MUC20: variants seen among roughly 807,000 people sequenced by gnomAD.
The protein encoded by MUC20 is mucin 20, cell surface associated.
MUC20 carries 14 observed loss-of-function variants against 23.8 expected under a neutral mutation model. The ratio of observed to expected loss-of-function variants is 0.59; its 90% CI spans 0.39 to 0.92. The LOEUF (loss-of-function observed/expected upper bound fraction) is 0.92. Ranked by LOEUF, MUC20 falls within the 40% of genes least tolerant of loss-of-function variation. The probability of loss-of-function intolerance (pLI) is 0.00; values close to 1 mark genes in which losing one functional copy is unlikely to be tolerated. For synonymous variants in MUC20, 166 were observed against 279.3 expected, an observed-to-expected ratio of 0.59 and a Z score of 4.04; for missense variants, 375 against 668.8, an observed-to-expected ratio of 0.56 and a Z score of 4.85.
chr3:195,729,427 C>CT, intron 2 of MUC20: 1 of 529,128 alleles, frequency 1.9e-6, no homozygotes, highest in South Asian at 2.2e-5. Flanking sequence ...GGCGATTCTC[C>CT]TGCCTCAGCC....
chr3:195,733,441 A>G lies in MUC20; in HGVS notation c.*223A>G. Reference sequence around the variant, plus strand: ...GTGGGGAGGGGCTTCACCTGTTCCCAGAGGTGTCCTTGGACTCACCTTGGC... The same window carrying G: ...GTGGGGAGGGGCTTCACCTGTTCCCGGAGGTGTCCTTGGACTCACCTTGGC... On this transcript the variant is annotated 3_prime_UTR_variant, in exon 4 of 4. Coordinates refer to ENST00000447234, the MANE Select transcript of MUC20 (RefSeq NM_001282506.2). 1 of 1,427,356 alleles carries G rather than the reference A, an allele frequency of 7.0e-7. No individual in the cohort carries two copies. The highest frequency in any genetic ancestry group is 9.1e-7 in the Non-Finnish European group (1 of 1,094,882). 88.4% of individuals were successfully genotyped at this position (1,427,356 alleles called of 1,614,324 possible).
rs762362567 is a variant in MUC20, at chr3:195,729,694, G to A, written c.2016G>A (p.Pro672=). The A allele has an allele frequency of 8.1e-6, 13 of 1,596,436 alleles. No individual in the cohort carries two copies. The highest frequency in any genetic ancestry group is 3.5e-5 in the Admixed American group (2 of 57,900). Residue 672 remains proline, a synonymous_variant, in exon 3 of 4, where the codon CCG becomes CCA. Coordinates refer to ENST00000447234, the MANE Select transcript of MUC20 (RefSeq NM_001282506.2). ...FLLLRLSVAS[P]EDLTDPRVAE... ...TCCTGCGGCTGAGTGTGGCTTCCCC[G>A]GAAGACCTCACTGACCCCAGAGTGG...
At chr3:195,721,499 T>C (rs1176495894) in intron 1 of MUC20, among the ~76,000 whole-genome samples, 2 of 151,460 alleles carry the variant, frequency 1.3e-5, no homozygotes, top group Non-Finnish European at 2.9e-5. Flanking sequence ...TTAACAAGAT[T>C]CTGACTCCTC....
intron 2 of MUC20, among the ~76,000 whole-genome samples, chr3:195,726,784 C>A (rs1282145148): frequency 6.6e-6 from 1 of 152,252 alleles, no homozygotes; most frequent in Non-Finnish European, 1.5e-5. Flanking sequence ...GATGGAAGTC[C>A]GGAGAAATGG....
At chr3:195,729,608 G>A (rs779308539) in intron 2 of MUC20, 40 bp from the exon 3 acceptor site, 25 of 1,539,804 alleles carry the variant, frequency 1.6e-5, no homozygotes, top group Admixed American at 7.8e-5. Context: ...GAGCCACTGC[G>A]CCCAGCCCTG....
Position 195,726,027 on chromosome 3 carries a change from C to T in MUC20, c.1424C>T (p.Thr475Ile), listed in dbSNP as rs1481255226. Residue 475 changes from threonine (T) to isoleucine (I), a missense_variant, in exon 2 of 4, where the codon ACA becomes ATA. Transcript: ENST00000447234. The stretch of plus-strand genomic sequence containing the variant: ...GCAAAACCACACATCACTGAGGTCA[C>T]AGCCTCTGCCGAGACCCTGTCCACA... ...TEAKPHITEV[T>I]ASAETLSTAG... 4.3e-6 allele frequency: 7 copies of T among 1,614,066 alleles called. No individual in the cohort carries two copies. Among genetic ancestry groups the T allele is most frequent in the South Asian group, 1.1e-5 (1 of 91,084 alleles).
intron 3 of MUC20, among the ~76,000 whole-genome samples, chr3:195,731,919 G>A (rs1713428571): frequency 6.6e-6 from 1 of 152,278 alleles, no homozygotes. Context: ...AATGCCCCCG[G>A]CATGTGATAA....
In MUC20 at chr3:195,726,315, C is replaced by T. The variant is rs1712654377; in HGVS notation, c.1712C>T (p.Ala571Val). Residue 571 changes from alanine (A) to valine (V), a missense_variant, in exon 2 of 4, where the codon GCT becomes GTT. Coordinates refer to ENST00000447234, the MANE Select transcript of MUC20 (RefSeq NM_001282506.2). Reference sequence around the variant, plus strand: ...ACAACTTCCTTTGCTGGGAGCTCTGCTTCCTCCTACAGCCCCTCGGAAGCC... The same window carrying T: ...ACAACTTCCTTTGCTGGGAGCTCTGTTTCCTCCTACAGCCCCTCGGAAGCC... ...GKTTSFAGSS[A>V]SSYSPSEAAL... is the part of the protein sequence containing the mutation. 6.2e-7 allele frequency: 1 copy of T among 1,614,086 alleles called. No individual in the cohort carries two copies. Among genetic ancestry groups the T allele is most frequent in the Non-Finnish European group, 8.5e-7 (1 of 1,179,904 alleles).
At chr3:195,732,290 T>A (rs1435486913) in intron 3 of MUC20, among the ~76,000 whole-genome samples, 1 of 152,228 alleles carries the variant, frequency 6.6e-6, no homozygotes, top group African/African-American at 2.4e-5. Flanking sequence ...ATTACAGGCG[T>A]TGAGTCATTG....
intron 3 of MUC20, among the ~76,000 whole-genome samples, chr3:195,731,544 A>G (rs2641734): frequency 0.39 from 59,104 of 150,150 alleles, 7,769 homozygotes; most frequent in East Asian, 0.73. Flanking sequence ...AGGAGCTCTG[A>G]GGTCCAGACA....
At chr3:195,731,975 C>CTTTTGTTTTGTTTTGTTTTG (rs57899187) in intron 3 of MUC20, among the ~76,000 whole-genome samples, 760 of 151,138 alleles carry the variant, frequency 5.0e-3, no homozygotes, top group Middle Eastern at 0.014. Flanking sequence ...AAGCCAATTG[C>CTTTTGTTTTGTTTTGTTTTG]TTTTGTTTTG....
At chr3:195,733,101 C>G in intron 3 of MUC20, 49 bp from the exon 4 acceptor site, 12 of 1,549,308 alleles carry the variant, frequency 7.7e-6, no homozygotes, top group Non-Finnish European at 1.0e-5. Flanking sequence ...CTCTGGCGAG[C>G]TCATGGGCCA....
At chr3:195,721,565 C>G (rs1455376620) in intron 1 of MUC20, 2 of 189,550 alleles carry the variant, frequency 1.1e-5, no homozygotes, top group Non-Finnish European at 2.2e-5. Flanking sequence ...TGTGAAAAGT[C>G]CAACTGCCAC....
Position 195,726,357 on chromosome 3 carries a change from C to A in MUC20, c.1754C>A (p.Thr585Asn). 2 of 1,614,068 alleles carry A rather than the reference C, an allele frequency of 1.2e-6. No individual in the cohort carries two copies. Among genetic ancestry groups the A allele is most frequent in the Non-Finnish European group, 1.7e-6 (2 of 1,179,900 alleles). The part of the protein sequence containing the change: ...SPSEAALKNF[T>N]PSETPTMDIA... ...TCGGAAGCCGCCCTCAAGAACTTCA[C>A]CCCTTCAGAGACACCGACCATGGAC... Residue 585 changes from threonine to asparagine, a missense_variant, in exon 2 of 4, where the codon ACC becomes AAC. Physicochemically the swap from Thr to Asn is moderately conservative, Grantham distance 65. This residue lies in a region of MUC20 where 343 missense variants were observed against 340.2 expected (regional missense o/e 1.01). Transcript: ENST00000447234.
rs1713604110 is a variant in MUC20 at position 195,733,406 on chromosome 3, G to A, written c.*188G>A. The A allele has an allele frequency of 6.9e-7, 1 of 1,449,972 alleles. No individual in the cohort carries two copies. The highest frequency in any genetic ancestry group is 9.1e-7 in the Non-Finnish European group (1 of 1,104,058). 89.8% of individuals were successfully genotyped at this position (1,449,972 alleles called of 1,614,324 possible). A position where few individuals can be genotyped will look rare whatever the true frequency, so the allele number is the denominator to read the frequency against. Reference sequence around the variant, plus strand: ...ACAGGACCCTCGCTCACATCCACCGGAGTGTATGTGTGGGGAGGGGCTTCA... The same window carrying A: ...ACAGGACCCTCGCTCACATCCACCGAAGTGTATGTGTGGGGAGGGGCTTCA... On this transcript the variant is annotated 3_prime_UTR_variant, in exon 4 of 4. Transcript: ENST00000447234.
rs1308443101 is a variant in MUC20 at position 195,726,077 on chromosome 3, C to T, written c.1474C>T (p.Pro492Ser). 2 of 1,613,218 alleles carry T rather than the reference C, an allele frequency of 1.2e-6. No individual in the cohort carries two copies. Among genetic ancestry groups the T allele is most frequent in the Non-Finnish European group, 1.7e-6 (2 of 1,179,316 alleles). ...STAGTTESAA[P>S]DATVGTPLPT... ...AGCCGGCACCACAGAGTCAGCTGCA[C>T]CTGATGCCACGGTTGGGACCCCACT... Residue 492 changes from proline to serine, a missense_variant, in exon 2 of 4, where the codon CCT (proline) becomes TCT (serine). By Grantham distance (74) the Pro-to-Ser change is moderately conservative (BLOSUM62 -1). Coordinates refer to ENST00000447234, the MANE Select transcript of MUC20 (RefSeq NM_001282506.2).
At chr3:195,722,890 TGCCTGGGGGTGCA>T in intron 1 of MUC20, 2 of 915,702 alleles carry the variant, frequency 2.2e-6, no homozygotes, top group Non-Finnish European at 2.6e-6. Flanking sequence ...TCGCCTATAC[TGCCTGGGGGTGCA>T]GCCCGCACTC....
intron 3 of MUC20, among the ~76,000 whole-genome samples, chr3:195,731,218 C>CA (rs1713357030): frequency 6.6e-6 from 1 of 152,262 alleles, no homozygotes. Flanking sequence ...CAGCACCTCT[C>CA]ACAGTCAATG....
Position 195,733,223 on chromosome 3 carries a change from C to G in MUC20, c.*5C>G. On this transcript the variant is annotated 3_prime_UTR_variant, in exon 4 of 4. Coordinates refer to ENST00000447234, the MANE Select transcript of MUC20 (RefSeq NM_001282506.2). ...CTGCGTGTCAGGAGAGGCTAACGGA[C>G]ATCAGCTGCAGCCAGGCATGTCCCG... 6.3e-7 allele frequency: 1 copy of G among 1,585,218 alleles called. No homozygotes were observed. The highest frequency in any genetic ancestry group is 8.6e-7 in the Non-Finnish European group (1 of 1,166,778).
Sources: gnomAD v4.1 joint callset for allele counts (sites outside exome capture counted in the v4.1 genomes callset) on GRCh38, gnomAD v4.1.1 for gene constraint, gnomAD v4.1.1 regional missense constraint, MANE v1.5 for transcripts, NCBI Gene and HGNC (gene_info 2026-07-23, HGNC 2026-07-21) for gene names.